Variants in CAST observed in about 807,000 individuals in gnomAD.
CAST encodes MIR583 host.
CAST carries 76 observed loss-of-function variants against 119.6 expected under a neutral mutation model. The observed-to-expected ratio is 0.64, with a 90% CI of 0.53 to 0.77. CAST has a LOEUF of 0.77. Among genes scored for constraint, CAST ranks in the 30% least tolerant of loss-of-function variants. The pLI, the probability that CAST is intolerant of heterozygous loss-of-function variation, is 0.00. For missense variants in CAST, 953 were observed against 946.5 expected, an observed-to-expected ratio of 1.01 and a Z score of -0.09; for synonymous variants, 319 against 331.6, an observed-to-expected ratio of 0.96 and a Z score of 0.41.
the CAST span, among the ~76,000 whole-genome samples, chr5:96,305,408 A>G: frequency 6.6e-6 from 1 of 152,350 alleles, no homozygotes; most frequent in East Asian, 1.9e-4. Flanking sequence ...AACAAAGACA[A>G]TTTGACTTTC....
chr5:96,309,236 G>A, the CAST span, among the ~76,000 whole-genome samples: 21 of 152,342 alleles, frequency 1.4e-4, no homozygotes, highest in African/African-American at 4.1e-4. Flanking sequence ...ACTTCTTGGC[G>A]GCTTTGTTTA....
the CAST span, among the ~76,000 whole-genome samples, chr5:96,361,598 C>G: frequency 6.6e-6 from 1 of 152,134 alleles, no homozygotes; most frequent in South Asian, 2.1e-4. Context: ...GTTCCCTGAC[C>G]CCTTGCACTT....
At chr5:96,433,534 G>A in the CAST span, among the ~76,000 whole-genome samples, 1 of 152,104 alleles carries the variant, frequency 6.6e-6, no homozygotes, top group South Asian at 2.1e-4. Context: ...AGAATCAAAG[G>A]CTGGGAGTGC....
intron 1 of CAST, among the ~76,000 whole-genome samples, chr5:96,612,803 C>T (rs1024138900): frequency 5.3e-5 from 8 of 152,050 alleles, no homozygotes; most frequent in South Asian, 2.1e-4. Flanking sequence ...CTCTTATCAA[C>T]GGGGTAACAA....
chr5:96,484,239 G>A, the CAST span, among the ~76,000 whole-genome samples: 3 of 152,116 alleles, frequency 2.0e-5, no homozygotes, highest in South Asian at 6.2e-4. Context: ...ACCAATGGCT[G>A]TGCCTGCCAT....
chr5:96,435,050 C>G, the CAST span, among the ~76,000 whole-genome samples: 4 of 152,186 alleles, frequency 2.6e-5, no homozygotes, highest in Non-Finnish European at 5.9e-5. Context: ...CTTCACACCT[C>G]GGCCTGAGTT....
chr5:96,762,914 T>A (rs1768502894), intron 25 of CAST: 1 of 488,338 alleles, frequency 2.0e-6, no homozygotes, highest in Non-Finnish European at 3.7e-6. Context: ...CAATATTGTT[T>A]TAATTATTTA....
At chr5:96,551,292 G>A (rs772015423) in intron 1 of CAST, among the ~76,000 whole-genome samples, 9 of 152,098 alleles carry the variant, frequency 5.9e-5, no homozygotes, top group East Asian at 1.9e-4. Context: ...AATTTTCAAC[G>A]CAGAATTTCA....
intron 1 of CAST, among the ~76,000 whole-genome samples, chr5:96,666,819 G>A (rs934997861): frequency 6.6e-6 from 1 of 152,164 alleles, no homozygotes; most frequent in Admixed American, 6.5e-5. Flanking sequence ...AGCCTTCTGG[G>A]GGTGGGAACA....
At chr5:96,750,329 C>T (rs1764738516) in intron 19 of CAST, among the ~76,000 whole-genome samples, 1 of 152,108 alleles carries the variant, frequency 6.6e-6, no homozygotes, top group Non-Finnish European at 1.5e-5. Context: ...TCATTGTTCT[C>T]ATTTTACACA....
chr5:96,032,037 C>T, the CAST span, among the ~76,000 whole-genome samples: 2 of 152,104 alleles, frequency 1.3e-5, no homozygotes, highest in African/African-American at 4.8e-5. Context: ...CTCAAGTGTC[C>T]CCACCACATG....
chr5:96,113,183 G>A, the CAST span, among the ~76,000 whole-genome samples: 1 of 152,142 alleles, frequency 6.6e-6, no homozygotes, highest in East Asian at 1.9e-4. Flanking sequence ...TTTAGTCTTA[G>A]AACTAAGACT....
chr5:96,325,425 T>C, the CAST span, among the ~76,000 whole-genome samples: 1 of 151,282 alleles, frequency 6.6e-6, no homozygotes, highest in African/African-American at 2.4e-5. Context: ...TTTCTTTCCT[T>C]CTTTCTTTTC....
the CAST span, among the ~76,000 whole-genome samples, chr5:96,322,417 C>T: frequency 6.6e-6 from 1 of 152,162 alleles, no homozygotes; most frequent in African/African-American, 2.4e-5. Context: ...TCATCCCTCT[C>T]CAACCGGGAG....
At chr5:96,535,564 ATTTTTTTTTTT>A (rs767087154) in intron 1 of CAST, among the ~76,000 whole-genome samples, 6 of 88,404 alleles carry the variant, frequency 6.8e-5, no homozygotes, top group Non-Finnish European at 1.0e-4. Flanking sequence ...TAAATAAACA[ATTTTTTTTTTT>A]TTTTTTTTTT....
At chr5:96,517,298 C>A in the CAST span, among the ~76,000 whole-genome samples, 2 of 152,270 alleles carry the variant, frequency 1.3e-5, no homozygotes, top group Middle Eastern at 3.4e-3. Context: ...AATATTATTT[C>A]ACTTCATTTT....
At chr5:96,700,694 T>G (rs548586233) in intron 3 of CAST, among the ~76,000 whole-genome samples, 1 of 152,106 alleles carries the variant, frequency 6.6e-6, no homozygotes, top group Non-Finnish European at 1.5e-5. Flanking sequence ...GATTCTCAGG[T>G]TTGAAGCCAA....
chr5:96,035,370 C>G, the CAST span, among the ~76,000 whole-genome samples: 1 of 151,580 alleles, frequency 6.6e-6, no homozygotes, highest in Non-Finnish European at 1.5e-5. Context: ...ATGATTACCT[C>G]TTCCTAAGAG....
intron 3 of CAST, among the ~76,000 whole-genome samples, chr5:96,703,280 C>G (rs1482269329): frequency 6.6e-6 from 1 of 152,104 alleles, no homozygotes; most frequent in Non-Finnish European, 1.5e-5. Context: ...GCAGCTATGT[C>G]AGTTTGGTTT....
Sources: gnomAD v4.1 joint callset for allele counts (sites outside exome capture counted in the v4.1 genomes callset) on GRCh38, gnomAD v4.1.1 for gene constraint, MANE v1.5 for transcripts, NCBI Gene and HGNC (gene_info 2026-07-23, HGNC 2026-07-21) for gene names.